The following CLEC16A variants were observed in gnomAD, a reference collection of about 807,000 sequenced individuals.
CLEC16A encodes C-type lectin domain containing 16A.
In CLEC16A, 51 loss-of-function variants were observed where a neutral mutation model predicts 109.5. The ratio of observed to expected loss-of-function variants is 0.47; its 90% CI spans 0.37 to 0.59. CLEC16A has a LOEUF of 0.59. Ranked by LOEUF, CLEC16A falls within the 20% of genes least tolerant of loss-of-function variation. The probability of loss-of-function intolerance (pLI) is 0.00; values close to 1 mark genes in which losing one functional copy is unlikely to be tolerated. For missense variants in CLEC16A, 1,339 were observed against 1,394.0 expected, an observed-to-expected ratio of 0.96 and a Z score of 0.63; for synonymous variants, 673 against 564.2, an observed-to-expected ratio of 1.19 and a Z score of -2.73.
At chr16:11,148,518 G>A (rs2054161763) in intron 22 of CLEC16A, among the ~76,000 whole-genome samples, 1 of 152,160 alleles carries the variant, frequency 6.6e-6, no homozygotes, top group Non-Finnish European at 1.5e-5. Context: ...GTATGACATA[G>A]GGATTATTTC....
chr16:11,022,902 A>AATATATAT (rs3029840), intron 12 of CLEC16A, among the ~76,000 whole-genome samples: 1 of 143,026 alleles, frequency 7.0e-6, no homozygotes, highest in African/African-American at 2.6e-5. Context: ...CCATCTCAAA[A>AATATATAT]ATATATATAT....
At chr16:11,044,819 G>A (rs745860477) in intron 16 of CLEC16A, among the ~76,000 whole-genome samples, 1 of 151,710 alleles carries the variant, frequency 6.6e-6, no homozygotes, top group African/African-American at 2.4e-5. Flanking sequence ...GCAGCTACTC[G>A]GGAGGCTGAG....
In CLEC16A at chr16:10,973,288, G is replaced by A. The variant is rs78420488; in HGVS notation, c.728+227G>A. Among the ~76,000 whole-genome samples, 302 of 152,326 alleles carry A rather than the reference G, an allele frequency of 2.0e-3. 6 individuals are homozygous for A. The East Asian group carries it at 0.05, about 25-fold the overall frequency. Reference sequence around the variant, plus strand: ...AGGCGGGGTAAATCAATTCAGTACAGCCATAGATGGGGCTGCTACGCAGCT... The same window carrying A: ...AGGCGGGGTAAATCAATTCAGTACAACCATAGATGGGGCTGCTACGCAGCT... On this transcript the variant is annotated intron_variant, in intron 7 of 23. Coordinates refer to ENST00000409790, the MANE Select transcript of CLEC16A (RefSeq NM_015226.3).
Position 11,178,260 on chromosome 16 carries a change from A to G in CLEC16A, c.2807-75A>G. ...TAGCTCACCAGGGCCGCGGTTCAGG[A>G]TGGGAGCACAGGGCGCAGTGCGACG... On this transcript the variant is annotated intron_variant, in intron 23 of 23. Coordinates refer to ENST00000409790, the MANE Select transcript of CLEC16A (RefSeq NM_015226.3). The surrounding 1 kb of genome is among the most constrained non-coding windows in gnomAD (Gnocchi z 6.5). 7.3e-7 allele frequency: 1 copy of G among 1,360,988 alleles called. No homozygotes were observed. The highest frequency in any genetic ancestry group is 2.3e-5 in the East Asian group (1 of 43,136). 84.3% of individuals were successfully genotyped at this position (1,360,988 alleles called of 1,614,324 possible).
Position 11,180,173 on chromosome 16 carries a change from A to G in CLEC16A, c.*1483A>G, listed in dbSNP as rs1324551750. 6.6e-6 allele frequency: 1 copy of G among 152,332 alleles called. No homozygotes were observed. The highest frequency in any genetic ancestry group is 1.5e-5 in the Non-Finnish European group (1 of 68,158). 9.4% of individuals were successfully genotyped at this position (152,332 alleles called of 1,614,324 possible). A position where few individuals can be genotyped will look rare whatever the true frequency, so the allele number is the denominator to read the frequency against. On this transcript the variant is annotated 3_prime_UTR_variant, in exon 24 of 24. Transcript: ENST00000409790. ...CTTTTGCCACCTGCATTTTAGAAGA[A>G]CATGGTCTCTGTCTCCTCGGCCCAG... is the stretch of plus-strand genomic sequence containing the variant.
intron 1 of CLEC16A, among the ~76,000 whole-genome samples, chr16:10,946,260 G>C (rs2041363555): frequency 6.6e-6 from 1 of 152,212 alleles, no homozygotes; most frequent in African/African-American, 2.4e-5. Flanking sequence ...CTGTGGAAAG[G>C]ATTGGTGGGA....
intron 19 of CLEC16A, among the ~76,000 whole-genome samples, chr16:11,072,293 A>G (rs1436238098): frequency 6.6e-6 from 1 of 150,444 alleles, no homozygotes; most frequent in Non-Finnish European, 1.5e-5. Context: ...CTATTTTTTT[A>G]TTTTTTGTGG....
chr16:11,168,424 C>T (rs1180374155), intron 23 of CLEC16A, among the ~76,000 whole-genome samples: 3 of 152,222 alleles, frequency 2.0e-5, no homozygotes, highest in East Asian at 1.9e-4. Flanking sequence ...TGGTGCGTCC[C>T]CAGCAGGCCT....
At chr16:11,102,871 A>G (rs75302465) in intron 19 of CLEC16A, among the ~76,000 whole-genome samples, 2 of 152,230 alleles carry the variant, frequency 1.3e-5, no homozygotes, top group African/African-American at 4.8e-5. Flanking sequence ...CAGTATTGTT[A>G]ATATCACCTC....
intron 22 of CLEC16A, among the ~76,000 whole-genome samples, chr16:11,146,958 A>C (rs558455261): frequency 6.6e-6 from 1 of 152,196 alleles, no homozygotes; most frequent in Admixed American, 6.5e-5. Flanking sequence ...CCCTCAGGGA[A>C]CTGGCAGATG....
At chr16:11,177,727 A>G (rs77700687) in intron 23 of CLEC16A, among the ~76,000 whole-genome samples, 5,917 of 152,276 alleles carry the variant, frequency 0.039, 379 homozygotes, top group African/African-American at 0.13. Context: ...GCTCGGGACA[A>G]TAATGGCCTG....
In CLEC16A at chr16:10,954,170, A is replaced by C. The variant is rs1271282553; in HGVS notation, c.81-3612A>C. On this transcript the variant is annotated intron_variant, in intron 1 of 23. Coordinates refer to ENST00000409790, the MANE Select transcript of CLEC16A (RefSeq NM_015226.3). The surrounding 1 kb of genome is among the most constrained non-coding windows in gnomAD (Gnocchi z 4.2). ...ACCAAGTATTGAGAGGCCAAGAAAC[A>C]AATGGAGTTCTCAGACCTTTCTTCC... Among the ~76,000 whole-genome samples the C allele has an allele frequency of 6.6e-6, 1 of 152,142 alleles. No individual in the cohort carries two copies.
intron 11 of CLEC16A, among the ~76,000 whole-genome samples, chr16:11,015,781 G>A (rs746573073): frequency 4.8e-4 from 73 of 152,252 alleles, no homozygotes; most frequent in African/African-American, 1.1e-3. Flanking sequence ...GGGTGCTGGG[G>A]CTTGGCCCTG....
intron 9 of CLEC16A, 90 bp downstream of exon 9, chr16:10,979,472 C>A: frequency 8.8e-7 from 1 of 1,135,222 alleles, no homozygotes; most frequent in Non-Finnish European, 1.3e-6. Context: ...CCTTATCACC[C>A]CATCTTCTCT....
At chr16:11,160,841 C>T (rs574973668) in intron 22 of CLEC16A, among the ~76,000 whole-genome samples, 3 of 152,306 alleles carry the variant, frequency 2.0e-5, no homozygotes, top group Admixed American at 6.5e-5. Flanking sequence ...CCTCATAGCT[C>T]AGGGCAGCTG....
chr16:10,990,449 C>G (rs941862287), intron 10 of CLEC16A, among the ~76,000 whole-genome samples: 5 of 152,188 alleles, frequency 3.3e-5, no homozygotes, highest in African/African-American at 1.2e-4. Flanking sequence ...TCTCAATGTC[C>G]CTTAGTACTT....
intron 22 of CLEC16A, among the ~76,000 whole-genome samples, chr16:11,153,686 A>ATTATG (rs2054386644): frequency 6.6e-6 from 1 of 152,022 alleles, no homozygotes; most frequent in Non-Finnish European, 1.5e-5. Flanking sequence ...AGGGAAAAAC[A>ATTATG]TCTGACCCCA....
At chr16:11,122,286 A>T (rs1336999573) in intron 20 of CLEC16A, among the ~76,000 whole-genome samples, 3 of 152,226 alleles carry the variant, frequency 2.0e-5, no homozygotes, top group Admixed American at 2.0e-4. Flanking sequence ...TGTGAGAAAC[A>T]ACTATAGAAG....
intron 10 of CLEC16A, among the ~76,000 whole-genome samples, chr16:10,994,827 A>ATTAG (rs1359548109): frequency 5.3e-5 from 8 of 152,222 alleles, no homozygotes; most frequent in Non-Finnish European, 1.0e-4. Flanking sequence ...TGTTTCTCTG[A>ATTAG]TTAGTGTGAC....
Sources: allele counts gnomAD v4.1 joint callset (sites outside exome capture counted in the v4.1 genomes callset), GRCh38; gene constraint gnomAD v4.1.1; non-coding constraint Gnocchi (gnomAD v3.1); transcripts MANE v1.5; gene names NCBI Gene and HGNC (gene_info 2026-07-23, HGNC 2026-07-21).